The following THAP4 variants were observed in gnomAD, a reference collection of about 807,000 sequenced individuals.
THAP4 encodes THAP domain containing 4.
Under a neutral mutation model 48.1 loss-of-function variants are expected in THAP4, and 18 were observed. That is an observed-to-expected ratio of 0.37 (90% confidence interval 0.26 to 0.56). The LOEUF (loss-of-function observed/expected upper bound fraction) is 0.56. Among genes scored for constraint, THAP4 ranks in the 20% least tolerant of loss-of-function variants. The pLI, the probability that THAP4 is intolerant of heterozygous loss-of-function variation, is 0.78. For synonymous variants in THAP4, 345 were observed against 324.9 expected, an observed-to-expected ratio of 1.06 and a Z score of -0.66; for missense variants, 656 against 774.9, an observed-to-expected ratio of 0.85 and a Z score of 1.82.
intron 5 of THAP4, among the ~76,000 whole-genome samples, chr2:241,590,490 G>T (rs374993368): frequency 9.6e-6 from 1 of 103,896 alleles, no homozygotes; most frequent in African/African-American, 3.8e-5. Context: ...AGAGCTGCTC[G>T]GCTGATGATA....
At chr2:241,603,895 G>A (rs945652042) in intron 3 of THAP4, among the ~76,000 whole-genome samples, 9 of 151,802 alleles carry the variant, frequency 5.9e-5, no homozygotes, top group Admixed American at 3.3e-4. Context: ...ACTCAAGGCC[G>A]TAATCCCAGC....
At chr2:241,590,461 A>G (rs75398466) in intron 5 of THAP4, among the ~76,000 whole-genome samples, 598 of 30,852 alleles carry the variant, frequency 0.019, no homozygotes, top group Middle Eastern at 0.05. Flanking sequence ...GGCTGATGAT[A>G]ATGGGCACTA....
Position 241,601,997 on chromosome 2 carries a change from C to T in THAP4, c.1513G>A (p.Val505Met), listed in dbSNP as rs146928309. 1.1e-5 allele frequency: 17 copies of T among 1,610,944 alleles called. No homozygotes were observed. Among genetic ancestry groups the T allele is most frequent in the African/African-American group, 8.0e-5 (6 of 74,866 alleles). The change falls in exon 5 of 6, where the codon GTG becomes ATG. Residue 505 changes from valine (V) to methionine (M), a missense_variant and splice_region_variant. By Grantham distance (21) the Val-to-Met change is conservative. This residue lies in a region of THAP4 where 176 missense variants were observed against 256.7 expected (regional missense o/e 0.69). Transcript: ENST00000407315. The surrounding 1 kb of genome is among the most constrained non-coding windows in gnomAD (Gnocchi z 4.0). ...VAFVSAQNTGVVEVEEGEVNG... is the reference protein window; with the variant it reads ...VAFVSAQNTGMVEVEEGEVNG... ...ACCTCGCCCTCCTCCACTTCCACCA[C>T]GCCTGCAAGGGAAGGGCAGTCAGCT...
At chr2:241,611,414 G>A (rs879403609) in intron 2 of THAP4, among the ~76,000 whole-genome samples, 13 of 152,202 alleles carry the variant, frequency 8.5e-5, no homozygotes, top group South Asian at 2.1e-4. Flanking sequence ...GAAGTAATGC[G>A]CCACTCCGAA....
intron 3 of THAP4, among the ~76,000 whole-genome samples, chr2:241,604,969 CACAA>C (rs1249274053): frequency 6.6e-6 from 1 of 152,240 alleles, no homozygotes; most frequent in African/African-American, 2.4e-5. Context: ...AGGACACACA[CACAA>C]ACACACATAC....
At position 241,617,707 on chromosome 2, in the gene THAP4, G is replaced by A. The variant is rs549827685; in HGVS notation, c.1241-11234C>T. On this transcript the variant is annotated intron_variant, in intron 2 of 5. Coordinates refer to ENST00000407315, the MANE Select transcript of THAP4 (RefSeq NM_015963.6). ...GAGGTCTGGGCGGAGTGACGAGTGC[G>A]GCTTCTACCCTCAGCCTCCTCCACC... 2.7e-4 allele frequency among the ~76,000 whole-genome samples: 41 copies of A among 152,248 alleles called. 1 individual carries two copies. The South Asian group carries it at 8.1e-3, about 30-fold the overall frequency.
chr2:241,585,169 C>G (rs972959308), intron 5 of THAP4: 1 of 157,986 alleles, frequency 6.3e-6, no homozygotes, highest in Non-Finnish European at 1.4e-5. Context: ...GAACTGATGT[C>G]CAGTGTGTTC....
In THAP4 at chr2:241,612,796, G is replaced by T. The variant is rs2125085309; in HGVS notation, c.1241-6323C>A. 6.6e-6 allele frequency among the ~76,000 whole-genome samples: 1 copy of T among 152,320 alleles called. No homozygotes were observed. Among genetic ancestry groups the T allele is most frequent in the South Asian group, 2.1e-4 (1 of 4,828 alleles). ...GAAGACGCTAGAGTCACACGTAGAA[G>T]GCGCATGAGGAGGGAAGGTGAGTGG... On this transcript the variant is annotated intron_variant, in intron 2 of 5. Transcript: ENST00000407315. This position sits in a 1 kb window ranked among gnomAD's most constrained non-coding sequence, Gnocchi z 4.1.
At chr2:241,593,535 G>A (rs1380000445) in intron 5 of THAP4, among the ~76,000 whole-genome samples, 6 of 152,032 alleles carry the variant, frequency 3.9e-5, no homozygotes, top group East Asian at 1.9e-4. Flanking sequence ...GAAGGCCGAG[G>A]CTGAATGCAG....
chr2:241,627,560 G>A (rs764119882), intron 2 of THAP4, among the ~76,000 whole-genome samples: 1 of 152,176 alleles, frequency 6.6e-6, no homozygotes, highest in African/African-American at 2.4e-5. Context: ...CCACTGGCCC[G>A]CATCCTTCAG....
At chr2:241,596,490 AG>A (rs1269775212) in intron 5 of THAP4, among the ~76,000 whole-genome samples, 3 of 16,580 alleles carry the variant, frequency 1.8e-4, no homozygotes, top group African/African-American at 5.1e-4. Context: ...CTGGGCGACA[AG>A]AGTGAGACTC....
chr2:241,603,603 T>A (rs1203808093), intron 3 of THAP4, among the ~76,000 whole-genome samples: 1 of 152,182 alleles, frequency 6.6e-6, no homozygotes, highest in Non-Finnish European at 1.5e-5. Context: ...TCAGGGCATA[T>A]CCTTGCCCTG....
chr2:241,587,682 A>T (rs1198652155), intron 5 of THAP4, among the ~76,000 whole-genome samples: 1 of 152,180 alleles, frequency 6.6e-6, no homozygotes. Flanking sequence ...AATAGAATCT[A>T]TTTAAAAAAT....
chr2:241,602,721 T>C (rs548146817), intron 4 of THAP4, among the ~76,000 whole-genome samples: 76 of 152,364 alleles, frequency 5.0e-4, no homozygotes, highest in African/African-American at 1.8e-3. Context: ...TCTGCAGACG[T>C]GGCACTGGGT....
At chr2:241,585,867 C>T (rs533145383) in intron 5 of THAP4, among the ~76,000 whole-genome samples, 3 of 129,628 alleles carry the variant, frequency 2.3e-5, no homozygotes, top group South Asian at 2.5e-4. Context: ...GAGCCGAGAT[C>T]ATGCCACTGC....
Position 241,632,903 on chromosome 2 carries a change from G to A in THAP4, c.1240+14C>T. The A allele has an allele frequency of 6.4e-7, 1 of 1,563,548 alleles. No individual in the cohort carries two copies. Among genetic ancestry groups the A allele is most frequent in the South Asian group, 1.2e-5 (1 of 84,076 alleles). On this transcript the variant is annotated intron_variant, in intron 2 of 5. Transcript: ENST00000407315. Reference sequence around the variant, plus strand: ...CGGGAAGGGAACATGGGTACGCGAGGCTCCGGTACTGACCGCGGCTGGGCG... The same window carrying A: ...CGGGAAGGGAACATGGGTACGCGAGACTCCGGTACTGACCGCGGCTGGGCG...
chr2:241,602,114 T>A, intron 4 of THAP4, 115 bp from the exon 5 acceptor site: 1 of 946,140 alleles, frequency 1.1e-6, no homozygotes, highest in Non-Finnish European at 1.6e-6. Context: ...TCTGCAGCTG[T>A]GGAAGCAACG....
intron 4 of THAP4, chr2:241,602,319 C>T (rs1045620623): frequency 8.0e-6 from 3 of 376,564 alleles, no homozygotes; most frequent in African/African-American, 4.0e-5. Flanking sequence ...TGGGAATGGA[C>T]GTCCAGGAAG....
intron 2 of THAP4, among the ~76,000 whole-genome samples, chr2:241,626,534 C>A (rs2067497562): frequency 6.6e-6 from 1 of 151,874 alleles, no homozygotes; most frequent in South Asian, 2.1e-4. Flanking sequence ...GGAAAAAAAA[C>A]ACTGTTATTA....
Sources: allele counts gnomAD v4.1 joint callset (sites outside exome capture counted in the v4.1 genomes callset), GRCh38; gene constraint gnomAD v4.1.1; regional missense constraint gnomAD v4.1.1; non-coding constraint Gnocchi (gnomAD v3.1); transcripts MANE v1.5; gene names NCBI Gene and HGNC (gene_info 2026-07-23, HGNC 2026-07-21).